Variants in IRAK1BP1 observed in about 807,000 individuals in gnomAD.
IRAK1BP1 encodes the protein interleukin-1 receptor-associated kinase 1-binding protein 1.
In IRAK1BP1, 24 loss-of-function variants were observed where a neutral mutation model predicts 28.0. The ratio of observed to expected loss-of-function variants is 0.86; its 90% confidence interval spans 0.62 to 1.20. The LOEUF is 1.20. Among genes scored for constraint, IRAK1BP1 ranks in the 50% most tolerant of loss-of-function variants. IRAK1BP1 has a pLI of 0.00. For missense variants in IRAK1BP1, 336 were observed against 316.7 expected, an observed-to-expected ratio of 1.06 and a Z score of -0.46; for synonymous variants, 131 against 116.3, an observed-to-expected ratio of 1.13 and a Z score of -0.81.
chr6:78,906,127 T>C (rs1232360561), downstream of IRAK1BP1, among the ~76,000 whole-genome samples: 1 of 152,142 alleles, frequency 6.6e-6, no homozygotes, highest in Non-Finnish European at 1.5e-5. Flanking sequence ...ATAAAATACA[T>C]GAGAAATTTG....
chr6:78,966,723 G>A, the IRAK1BP1 span, among the ~76,000 whole-genome samples: 2 of 152,116 alleles, frequency 1.3e-5, no homozygotes, highest in Non-Finnish European at 2.9e-5. Flanking sequence ...AAATGCTATG[G>A]CTTTTTCTTA....
rs181666611 is a variant in IRAK1BP1, at chr6:78,878,983, A to G, written c.316-6395A>G. Among the ~76,000 whole-genome samples, 39 of 152,350 alleles carry G rather than the reference A, an allele frequency of 2.6e-4. No individual in the cohort carries two copies. The East Asian group carries it at 7.3e-3, about 29-fold the overall frequency. On this transcript the variant is annotated intron_variant, in intron 1 of 3. Coordinates refer to ENST00000369940, the MANE Select transcript of IRAK1BP1 (RefSeq NM_001010844.4). The stretch of plus-strand genomic sequence containing the variant: ...AATAAACGAACAAAGCCTCCAAGAA[A>G]TATGCGACTATGTGAAAAGACCAAA...
chr6:78,968,504 A>T, the IRAK1BP1 span, among the ~76,000 whole-genome samples: 1 of 152,210 alleles, frequency 6.6e-6, no homozygotes, highest in East Asian at 1.9e-4. Flanking sequence ...GTTCCGTAGG[A>T]TCAATTCTGG....
At chr6:78,875,568 A>G (rs549878818) in intron 1 of IRAK1BP1, among the ~76,000 whole-genome samples, 1 of 152,308 alleles carries the variant, frequency 6.6e-6, no homozygotes, top group Non-Finnish European at 1.5e-5. Context: ...GAACAAAATC[A>G]TGTACTTTGC....
chr6:78,867,928 G>T, intron 1 of IRAK1BP1, 37 bp downstream of exon 1: 22 of 1,499,878 alleles, frequency 1.5e-5, no homozygotes, highest in Non-Finnish European at 1.8e-5. Flanking sequence ...AGAGCCGGAA[G>T]ACACAAAAGG....
chr6:78,883,839 T>TA (rs1307802878), intron 1 of IRAK1BP1, among the ~76,000 whole-genome samples: 10 of 152,196 alleles, frequency 6.6e-5, no homozygotes, highest in Non-Finnish European at 1.5e-4. Flanking sequence ...ATGTGAATCA[T>TA]ACCTTGTTCA....
intron 4 of IRAK1BP1, chr6:78,938,084 G>C (rs1465777305): frequency 6.6e-6 from 1 of 151,588 alleles, no homozygotes; most frequent in Non-Finnish European, 1.5e-5. Flanking sequence ...ACAAAAATAT[G>C]GTGATGACTT....
At chr6:78,903,803 C>T (rs1562091826), downstream of IRAK1BP1, among the ~76,000 whole-genome samples, 1 of 152,082 alleles carries the variant, frequency 6.6e-6, no homozygotes, top group Non-Finnish European at 1.5e-5. Flanking sequence ...GATTCTGTCT[C>T]CTATCCTGCT....
chr6:78,872,891 T>C (rs1405835575), intron 1 of IRAK1BP1, among the ~76,000 whole-genome samples: 3 of 152,120 alleles, frequency 2.0e-5, no homozygotes, highest in Non-Finnish European at 4.4e-5. Flanking sequence ...AAATTTCTAG[T>C]TCACAATATT....
intron 2 of IRAK1BP1, among the ~76,000 whole-genome samples, chr6:78,894,631 C>G (rs1771813422): frequency 6.6e-6 from 1 of 150,958 alleles, no homozygotes; most frequent in Non-Finnish European, 1.5e-5. Flanking sequence ...GATTTCAATA[C>G]CCCCCTTTTC....
At chr6:78,922,910 G>A (rs143641803) in intron 4 of IRAK1BP1, among the ~76,000 whole-genome samples, 5,682 of 152,166 alleles carry the variant, frequency 0.037, 107 homozygotes, top group Middle Eastern at 0.058. Flanking sequence ...CCCTACAAGA[G>A]CTCCTGAAGG....
At chr6:78,921,369 G>C (rs1017273457) in intron 4 of IRAK1BP1, among the ~76,000 whole-genome samples, 8 of 152,232 alleles carry the variant, frequency 5.3e-5, no homozygotes, top group Non-Finnish European at 1.0e-4. Flanking sequence ...CCGCGGCAAG[G>C]CTGGGGGAGG....
the IRAK1BP1 span, among the ~76,000 whole-genome samples, chr6:78,962,037 C>G: frequency 6.6e-6 from 1 of 151,858 alleles, no homozygotes; most frequent in Non-Finnish European, 1.5e-5. Context: ...ATAGGTTCAC[C>G]GGGAGAAAGA....
chr6:78,925,947 C>A (rs1381177417), intron 4 of IRAK1BP1, among the ~76,000 whole-genome samples: 1 of 151,938 alleles, frequency 6.6e-6, no homozygotes, highest in Admixed American at 6.6e-5. Context: ...GAACAGAAAA[C>A]CAAATACTGT....
chr6:78,969,031 C>A, the IRAK1BP1 span, among the ~76,000 whole-genome samples: 1 of 152,268 alleles, frequency 6.6e-6, no homozygotes, highest in South Asian at 2.1e-4. Context: ...CCATTCTTTT[C>A]CCTTTCTTGG....
At chr6:78,891,625 C>A (rs573731546) in intron 2 of IRAK1BP1, among the ~76,000 whole-genome samples, 1 of 152,088 alleles carries the variant, frequency 6.6e-6, no homozygotes, top group Non-Finnish European at 1.5e-5. Context: ...CCACACCTGG[C>A]TAATTTTTGT....
At chr6:78,918,060 C>T (rs1772607514) in intron 4 of IRAK1BP1, among the ~76,000 whole-genome samples, 1 of 152,164 alleles carries the variant, frequency 6.6e-6, no homozygotes, top group Non-Finnish European at 1.5e-5. Context: ...ATGATAGGAT[C>T]AAAACCTCAC....
At chr6:78,889,165 T>G (rs1771540206) in intron 2 of IRAK1BP1, among the ~76,000 whole-genome samples, 1 of 150,688 alleles carries the variant, frequency 6.6e-6, no homozygotes, top group African/African-American at 2.4e-5. Context: ...GGTGGAACAT[T>G]ACTTTTGACA....
chr6:78,894,825 T>C (rs1190843854), intron 2 of IRAK1BP1, among the ~76,000 whole-genome samples: 1 of 152,034 alleles, frequency 6.6e-6, no homozygotes, highest in East Asian at 1.9e-4. Flanking sequence ...ATAAAAGTAT[T>C]TGGCCGGGCG....
Sources: gnomAD v4.1 joint callset for allele counts (sites outside exome capture counted in the v4.1 genomes callset) on GRCh38, gnomAD v4.1.1 for gene constraint, MANE v1.5 for transcripts, NCBI Gene and HGNC (gene_info 2026-07-23, HGNC 2026-07-21) for gene names.